The following DERL1 variants were observed in gnomAD, a reference collection of about 807,000 sequenced individuals.
The protein encoded by DERL1 is derlin-1.
In DERL1, 24 loss-of-function variants were observed where a neutral mutation model predicts 41.6. The ratio of observed to expected loss-of-function variants is 0.58; its 90% confidence interval spans 0.42 to 0.81. The LOEUF (loss-of-function observed/expected upper bound fraction) is 0.81. Ranked by LOEUF, DERL1 falls within the 30% of genes least tolerant of loss-of-function variation. The probability of loss-of-function intolerance (pLI) is 0.00; values close to 1 mark genes in which losing one functional copy is unlikely to be tolerated. For synonymous variants in DERL1, 124 were observed against 112.5 expected (o/e 1.10, Z -0.65); for missense variants, 260 against 314.3 (o/e 0.83, Z 1.31).
chr8:123,028,486 CT>C (rs1812752246), intron 2 of DERL1, among the ~76,000 whole-genome samples: 1 of 152,050 alleles, frequency 6.6e-6, no homozygotes, highest in East Asian at 1.9e-4. Flanking sequence ...ACTGCTTTGG[CT>C]TTTTTAGGGA....
rs559738065 is a variant in DERL1 at position 123,024,980 on chromosome 8, G to A, written c.330+6C>T. On this transcript the variant is annotated splice_donor_region_variant and intron_variant, in intron 3 of 7. Transcript: ENST00000259512. ...TTCTGGCCCAAAATCACAGACTGAA[G>A]GATACCACGATGCAAATCCAGTTAA... is the stretch of plus-strand genomic sequence containing the variant. 11 of 1,612,838 alleles carry A rather than the reference G, an allele frequency of 6.8e-6. No individual in the cohort carries two copies. In the African/African-American group the frequency reaches 1.1e-4, roughly 16 times the overall value.
rs188239019 is a variant in DERL1, at chr8:123,041,080, G to C, written c.153+890C>G. On this transcript the variant is annotated intron_variant, in intron 1 of 7. Coordinates refer to ENST00000259512, the MANE Select transcript of DERL1 (RefSeq NM_024295.6). ...AAAGCTAGGGAGAGTCTATAGAAAA[G>C]GTCCTATAACTGATTCCCAAGGCAC... Among the ~76,000 whole-genome samples, 7 of 152,298 alleles carry C rather than the reference G, an allele frequency of 4.6e-5. No homozygotes were observed. The East Asian group carries it at 1.4e-3, about 29-fold the overall frequency.
rs190806879 is a variant in DERL1, at chr8:123,021,613, T to C, written c.454-114A>G. ...TGACAAGGGCTTTATATAAATCCTC[T>C]GGAAGGTCACTGCAAAATTTCTAGG... On this transcript the variant is annotated intron_variant, in intron 5 of 7. Coordinates refer to ENST00000259512, the MANE Select transcript of DERL1 (RefSeq NM_024295.6). 1,458 of 954,734 alleles carry C rather than the reference T, an allele frequency of 1.5e-3. 15 individuals carry two copies. The African/African-American group carries it at 0.021, about 14-fold the overall frequency. The allele number at this position is 954,734 out of a possible 1,614,324, so 59.1% of individuals were successfully genotyped here. A position where few individuals can be genotyped will look rare whatever the true frequency, so the allele number is the denominator to read the frequency against.
chr8:123,021,330 G>A, intron 6 of DERL1, 117 bp downstream of exon 6: 1 of 909,030 alleles, frequency 1.1e-6, no homozygotes, highest in Non-Finnish European at 1.8e-6. Flanking sequence ...TAAATATAGG[G>A]TTCTAATGCG....
Position 123,021,485 on chromosome 8 carries a change from G to C in DERL1, c.468C>G (p.Pro156=). Residue 156 remains proline, a synonymous_variant, in exon 6 of 8, where the codon CCC becomes CCG. Transcript: ENST00000259512. Reference sequence around the variant, plus strand: ...TATAGTTGAATCCAAGGATAACCCAGGGTAAATAGCAGGCCTAGGATGGAA... The same window carrying C: ...TATAGTTGAATCCAAGGATAACCCACGGTAAATAGCAGGCCTAGGATGGAA... ...FGTRFKACYL[P]WVILGFNYII... The C allele has an allele frequency of 6.2e-7, 1 of 1,613,836 alleles. No homozygotes were observed. The highest frequency in any genetic ancestry group is 1.3e-5 in the African/African-American group (1 of 75,038).
At chr8:123,021,047 C>T (rs1313441315) in intron 6 of DERL1, among the ~76,000 whole-genome samples, 2 of 151,786 alleles carry the variant, frequency 1.3e-5, no homozygotes, top group Non-Finnish European at 1.5e-5. Context: ...TTTCTATGAC[C>T]GATAGGCAGT....
At chr8:123,015,850 T>C (rs1438715814) in intron 7 of DERL1, 4 of 353,320 alleles carry the variant, frequency 1.1e-5, no homozygotes, top group Non-Finnish European at 2.0e-5. Context: ...TCTCTGCTTA[T>C]AAAAGTAATC....
intron 6 of DERL1, among the ~76,000 whole-genome samples, chr8:123,020,966 CA>C (rs542307362): frequency 0.013 from 1,042 of 82,844 alleles, 8 homozygotes; most frequent in African/African-American, 0.031. Flanking sequence ...AACTTCGTCT[CA>C]AAAAAAAAAA....
chr8:123,030,445 G>A (rs1158404176), intron 2 of DERL1, 160 bp downstream of exon 2: 5 of 535,736 alleles, frequency 9.3e-6, no homozygotes, highest in Non-Finnish European at 1.6e-5. Context: ...AATTGAGTAA[G>A]CTAAGTGCCT....
intron 7 of DERL1, chr8:123,016,849 G>GTTTTTTTGT (rs1814588083): frequency 6.6e-6 from 1 of 150,636 alleles, no homozygotes; most frequent in African/African-American, 2.4e-5. Flanking sequence ...TTGTTTTTTT[G>GTTTTTTTGT]TTTTTTTTTG....
At chr8:123,034,261 C>T (rs796239333) in intron 1 of DERL1, among the ~76,000 whole-genome samples, 10 of 152,086 alleles carry the variant, frequency 6.6e-5, no homozygotes, top group African/African-American at 2.4e-4. Flanking sequence ...AATGTGCATA[C>T]CAAAAAAGTG....
At chr8:123,028,063 CAAAAAAA>C (rs35730113) in intron 2 of DERL1, among the ~76,000 whole-genome samples, 17 of 101,274 alleles carry the variant, frequency 1.7e-4, no homozygotes, top group African/African-American at 6.1e-4. Context: ...AACTGTATCT[CAAAAAAA>C]AAAAAAAAAA....
At chr8:123,019,353 G>A (rs1236657514) in intron 6 of DERL1, 48 bp from the exon 7 acceptor site, 3 of 1,355,544 alleles carry the variant, frequency 2.2e-6, no homozygotes, top group Non-Finnish European at 3.2e-6. Flanking sequence ...CAATAGAGAT[G>A]CACCAAGTTT....
At chr8:123,034,541 A>G (rs969588612) in intron 1 of DERL1, among the ~76,000 whole-genome samples, 1 of 152,220 alleles carries the variant, frequency 6.6e-6, no homozygotes, top group African/African-American at 2.4e-5. Flanking sequence ...ATAGATGAGG[A>G]AACAGGATGA....
chr8:123,015,898 C>G (rs1042689092), intron 7 of DERL1: 1 of 204,206 alleles, frequency 4.9e-6, no homozygotes, highest in Non-Finnish European at 9.7e-6. Context: ...ATTACACCCA[C>G]AAGCCCAGCA....
intron 1 of DERL1, among the ~76,000 whole-genome samples, chr8:123,031,100 G>T (rs992652525): frequency 3.9e-5 from 6 of 152,094 alleles, no homozygotes; most frequent in Non-Finnish European, 5.9e-5. Context: ...GAATATTCTG[G>T]AATGACAAAC....
At chr8:123,031,949 G>A (rs1418350962) in intron 1 of DERL1, among the ~76,000 whole-genome samples, 2 of 152,026 alleles carry the variant, frequency 1.3e-5, no homozygotes, top group Non-Finnish European at 2.9e-5. Flanking sequence ...AAAAATGTTT[G>A]CTCAATTTAT....
chr8:123,017,930 T>G (rs1340537509), intron 7 of DERL1: 1 of 152,168 alleles, frequency 6.6e-6, no homozygotes, highest in Admixed American at 6.5e-5. Flanking sequence ...AATTCAAGGC[T>G]CAGAAGAGAA....
chr8:123,036,493 A>G (rs1025971622), intron 1 of DERL1, among the ~76,000 whole-genome samples: 33 of 152,244 alleles, frequency 2.2e-4, no homozygotes, highest in African/African-American at 7.5e-4. Flanking sequence ...GAAAGCTTTT[A>G]GAGATTCTGT....
Sources: gnomAD v4.1 joint callset for allele counts (sites outside exome capture counted in the v4.1 genomes callset) on GRCh38, gnomAD v4.1.1 for gene constraint, MANE v1.5 for transcripts, NCBI Gene and HGNC (gene_info 2026-07-23, HGNC 2026-07-21) for gene names.